Variants in PKNOX2 observed in about 807,000 individuals in gnomAD.
PKNOX2 encodes the protein homeobox protein PKNOX2.
In PKNOX2, 14 loss-of-function variants were observed where a neutral mutation model predicts 53.1. The observed-to-expected ratio is 0.26, with a 90% CI of 0.17 to 0.41. The LOEUF is 0.41. Among genes scored for constraint, PKNOX2 ranks in the 10% least tolerant of loss-of-function variants. PKNOX2 has a pLI of 1.00. For missense variants in PKNOX2, 496 were observed against 602.8 expected, an observed-to-expected ratio of 0.82 and a Z score of 1.85; for synonymous variants, 257 against 242.8, an observed-to-expected ratio of 1.06 and a Z score of -0.54.
chr11:125,291,403 T>C (rs565774357), intron 2 of PKNOX2, among the ~76,000 whole-genome samples: 2 of 152,258 alleles, frequency 1.3e-5, no homozygotes, highest in African/African-American at 4.8e-5. Flanking sequence ...GAGTGTGCTA[T>C]GTGAGCTCCC....
chr11:125,331,063 T>C (rs1214900389), intron 2 of PKNOX2, among the ~76,000 whole-genome samples: 1 of 144,238 alleles, frequency 6.9e-6, no homozygotes, highest in Non-Finnish European at 1.5e-5. Context: ...GAAGTCCAAT[T>C]AGCAACTCAT....
At chr11:125,339,954 TTTC>T (rs1950599609) in intron 3 of PKNOX2, among the ~76,000 whole-genome samples, 1 of 152,260 alleles carries the variant, frequency 6.6e-6, no homozygotes, top group Non-Finnish European at 1.5e-5. Flanking sequence ...GATTTGCCGC[TTTC>T]AGCTCGCTTA....
intron 1 of PKNOX2, among the ~76,000 whole-genome samples, chr11:125,230,390 G>A (rs938522875): frequency 5.9e-5 from 9 of 152,246 alleles, no homozygotes; most frequent in Non-Finnish European, 8.8e-5. Flanking sequence ...GGTGATGAGG[G>A]TGCACGGGTG....
At chr11:125,419,213 C>G (rs1044804381) in intron 10 of PKNOX2, among the ~76,000 whole-genome samples, 1 of 151,878 alleles carries the variant, frequency 6.6e-6, no homozygotes, top group Non-Finnish European at 1.5e-5. Flanking sequence ...CCTTGTGAAG[C>G]CTCTCTTTCC....
chr11:125,396,657 A>C (rs908443458), intron 6 of PKNOX2, among the ~76,000 whole-genome samples: 2 of 152,202 alleles, frequency 1.3e-5, no homozygotes, highest in Non-Finnish European at 2.9e-5. Flanking sequence ...AATTGGAAGT[A>C]ATCTAAATAC....
At chr11:125,193,301 G>A (rs551040283) in intron 1 of PKNOX2, among the ~76,000 whole-genome samples, 64 of 152,246 alleles carry the variant, frequency 4.2e-4, no homozygotes, top group Middle Eastern at 3.4e-3. Context: ...GTGTATCTGC[G>A]CGGCAGAAAG....
intron 1 of PKNOX2, among the ~76,000 whole-genome samples, chr11:125,218,321 G>T (rs185214102): frequency 6.6e-6 from 1 of 152,040 alleles, no homozygotes; most frequent in East Asian, 1.9e-4. Context: ...AAGTGAGTGG[G>T]GTGGGGGCTC....
At chr11:125,275,580 T>G (rs1164605129) in intron 2 of PKNOX2, among the ~76,000 whole-genome samples, 1 of 151,938 alleles carries the variant, frequency 6.6e-6, no homozygotes, top group African/African-American at 2.4e-5. Context: ...GCCATGGCAG[T>G]GGAGATGGAG....
At chr11:125,351,163 C>A in intron 3 of PKNOX2, 121 bp from the exon 4 acceptor site, 1 of 704,950 alleles carries the variant, frequency 1.4e-6, no homozygotes. Flanking sequence ...GAAGGGCGTG[C>A]AACCCTTGCC....
chr11:125,423,362 A>G (rs1956263510), intron 10 of PKNOX2, among the ~76,000 whole-genome samples: 1 of 152,020 alleles, frequency 6.6e-6, no homozygotes, highest in African/African-American at 2.4e-5. Context: ...TCTCTTCCAC[A>G]TCCTCCCTGA....
intron 1 of PKNOX2, among the ~76,000 whole-genome samples, chr11:125,179,243 C>G (rs1956012314): frequency 6.6e-6 from 1 of 152,124 alleles, no homozygotes; most frequent in Non-Finnish European, 1.5e-5. Flanking sequence ...TGGCTTCTAT[C>G]CTGTTAGGGT....
chr11:125,367,805 G>C (rs538976882), intron 4 of PKNOX2, 41 bp from the exon 5 acceptor site: 1 of 1,593,354 alleles, frequency 6.3e-7, no homozygotes, highest in Non-Finnish European at 8.5e-7. Flanking sequence ...CCAGCACCCT[G>C]GCCATGCTAA....
intron 6 of PKNOX2, among the ~76,000 whole-genome samples, chr11:125,393,395 A>G (rs1954196662): frequency 6.6e-6 from 1 of 152,198 alleles, no homozygotes; most frequent in African/African-American, 2.4e-5. Context: ...AAAAGCTTCT[A>G]ATCAGCAGAC....
intron 2 of PKNOX2, among the ~76,000 whole-genome samples, chr11:125,256,720 C>T (rs1234109023): frequency 6.6e-6 from 1 of 152,092 alleles, no homozygotes; most frequent in Non-Finnish European, 1.5e-5. Context: ...TACTTTTTTT[C>T]CAGATAGCCA....
At chr11:125,258,468 T>C (rs1240828374) in intron 2 of PKNOX2, among the ~76,000 whole-genome samples, 1 of 152,164 alleles carries the variant, frequency 6.6e-6, no homozygotes, top group African/African-American at 2.4e-5. Flanking sequence ...TTTAACCCAT[T>C]GGGTTGGCCA....
chr11:125,352,741 C>T lies in PKNOX2; in HGVS notation c.87+1349C>T, dbSNP rs2136209263. ...CTGAGCACATGTCTACGGCCCCGCT[C>T]CCACATATCAAATCATATTACTTCC... is the stretch of plus-strand genomic sequence containing the variant. On this transcript the variant is annotated intron_variant, in intron 4 of 12. Transcript: ENST00000298282. This position sits in a 1 kb window ranked among gnomAD's most constrained non-coding sequence, Gnocchi z 4.1. 6.6e-6 allele frequency among the ~76,000 whole-genome samples: 1 copy of T among 152,318 alleles called. No individual in the cohort carries two copies. Among genetic ancestry groups the T allele is most frequent in the Middle Eastern group, 3.4e-3 (1 of 294 alleles).
intron 6 of PKNOX2, among the ~76,000 whole-genome samples, chr11:125,388,730 T>C (rs1300945507): frequency 1.3e-5 from 2 of 151,836 alleles, no homozygotes; most frequent in African/African-American, 4.8e-5. Flanking sequence ...CCCAAGCAAG[T>C]TGCCCTGTAC....
intron 4 of PKNOX2, among the ~76,000 whole-genome samples, chr11:125,356,087 T>C (rs1951597485): frequency 6.9e-6 from 1 of 145,102 alleles, no homozygotes; most frequent in Admixed American, 6.9e-5. Flanking sequence ...TCCACAAATA[T>C]CTTTGCCCTT....
At chr11:125,291,708 A>G (rs908266206) in intron 2 of PKNOX2, among the ~76,000 whole-genome samples, 1 of 152,238 alleles carries the variant, frequency 6.6e-6, no homozygotes, top group African/African-American at 2.4e-5. Flanking sequence ...AGGTCTATCC[A>G]TACAGCAGAA....
Sources: gnomAD v4.1 joint callset for allele counts (sites outside exome capture counted in the v4.1 genomes callset) on GRCh38, gnomAD v4.1.1 for gene constraint, Gnocchi (gnomAD v3.1) non-coding constraint, MANE v1.5 for transcripts, NCBI Gene and HGNC (gene_info 2026-07-23, HGNC 2026-07-21) for gene names.